The following CAMSAP3 variants were observed in gnomAD, a reference collection of about 807,000 sequenced individuals.
CAMSAP3 encodes calmodulin-regulated spectrin-associated protein 3.
A neutral mutation model predicts 112.5 loss-of-function variants in CAMSAP3; 34 were observed. That is an observed-to-expected ratio of 0.30 (90% CI 0.23 to 0.40). The LOEUF is 0.40. Ranked by LOEUF, CAMSAP3 falls within the 10% of genes least tolerant of loss-of-function variation. CAMSAP3 has a pLI of 1.00. For missense variants in CAMSAP3, 1,602 were observed against 1,770.3 expected, an observed-to-expected ratio of 0.90 and a Z score of 1.71; for synonymous variants, 868 against 799.8, an observed-to-expected ratio of 1.09 and a Z score of -1.44.
At chr19:7,597,231 G>A (rs911865096) in intron 1 of CAMSAP3, among the ~76,000 whole-genome samples, 8 of 151,924 alleles carry the variant, frequency 5.3e-5, no homozygotes, top group African/African-American at 1.9e-4. Flanking sequence ...TCCGTCTCCT[G>A]GTTCCGCCCC....
In CAMSAP3 at chr19:7,611,624, A is replaced by G. The variant is rs2030490426; in HGVS notation, c.1193+38A>G. 6.3e-7 allele frequency: 1 copy of G among 1,596,362 alleles called. No homozygotes were observed. The highest frequency in any genetic ancestry group is 1.1e-5 in the South Asian group (1 of 89,654). ...CACAGGCCAGGGTAGGGGGTGGAGC[A>G]GGCTAGGGCGGGTTGGGGCCGAGGC... On this transcript the variant is annotated intron_variant, in intron 10 of 16. Transcript: ENST00000160298. This position sits in a 1 kb window ranked among gnomAD's most constrained non-coding sequence, Gnocchi z 6.9.
At position 7,617,072 on chromosome 19, in the gene CAMSAP3, C is replaced by T. The variant is rs1051875176; in HGVS notation, c.3213-254C>T. ...CAAGTGATTCTCGTGCCTCAGCCTC[C>T]TGAGTAGCTGGGGTTACCCGTGCCT... On this transcript the variant is annotated intron_variant, in intron 14 of 16. Coordinates refer to ENST00000160298, the MANE Select transcript of CAMSAP3 (RefSeq NM_020902.2). The surrounding 1 kb of genome is among the most constrained non-coding windows in gnomAD (Gnocchi z 7.5). Among the ~76,000 whole-genome samples, 1 of 151,650 alleles carries T rather than the reference C, an allele frequency of 6.6e-6. No homozygotes were observed. The highest frequency in any genetic ancestry group is 6.6e-5 in the Admixed American group (1 of 15,196).
In CAMSAP3 at chr19:7,611,900, C is replaced by T. The variant is rs778897661; in HGVS notation, c.1407C>T (p.Ala469=). 1.4e-5 allele frequency: 22 copies of T among 1,577,486 alleles called. No homozygotes were observed. Among genetic ancestry groups the T allele is most frequent in the South Asian group, 2.3e-5 (2 of 86,818 alleles). Residue 469 remains alanine (A), a synonymous_variant, in exon 11 of 17, where the codon GCC becomes GCT. Coordinates refer to ENST00000160298, the MANE Select transcript of CAMSAP3 (RefSeq NM_020902.2). The surrounding 1 kb of genome is among the most constrained non-coding windows in gnomAD (Gnocchi z 6.9). ...IEEALQIIHS[A]EPRLLPDGAA... is the part of the protein sequence containing the mutation. ...AAGCTCTGCAGATCATCCACAGTGCCGAGCCCCGGCTCCTCCCAGATGGGG... is the reference window on the plus strand; with the variant it reads ...AAGCTCTGCAGATCATCCACAGTGCTGAGCCCCGGCTCCTCCCAGATGGGG...
Position 7,606,562 on chromosome 19 carries a change from G to T in CAMSAP3, c.612G>T (p.Ala204=), listed in dbSNP as rs202008890. ...PAAPADGAAP[A]QPSIRYRKDR... ...CCCCTGCAGACGGGGCGGCCCCGGCGCAGCCCTCGGTGAGGCCAGGGCATA... is the reference window on the plus strand; with the variant it reads ...CCCCTGCAGACGGGGCGGCCCCGGCTCAGCCCTCGGTGAGGCCAGGGCATA... The change falls in exon 4 of 17, where the codon GCG becomes GCT. Residue 204 remains alanine, a synonymous_variant. Transcript: ENST00000160298. 2.0e-6 allele frequency: 3 copies of T among 1,532,072 alleles called. No individual in the cohort carries two copies. The highest frequency in any genetic ancestry group is 4.8e-5 in the East Asian group (2 of 41,254). 94.9% of individuals were successfully genotyped at this position (1,532,072 alleles called of 1,614,324 possible).
chr19:7,596,160 C>T lies in CAMSAP3; in HGVS notation c.148+10C>T. 1 of 253,600 alleles carries T rather than the reference C, an allele frequency of 3.9e-6. No individual in the cohort carries two copies. Among genetic ancestry groups the T allele is most frequent in the Non-Finnish European group, 5.5e-6 (1 of 180,646 alleles). The allele number at this position is 253,600 out of a possible 1,614,324, so 15.7% of individuals were successfully genotyped here. A position where few individuals can be genotyped will look rare whatever the true frequency, so the allele number is the denominator to read the frequency against. On this transcript the variant is annotated intron_variant, in intron 1 of 16. Transcript: ENST00000160298. ...GCGTTCGGGGGCGCAGGTACCGGGG[C>T]TCGGGGGACCGGGGTCGGGGGCGGC...
chr19:7,597,515 G>A (rs905140840), intron 1 of CAMSAP3, among the ~76,000 whole-genome samples: 24 of 152,164 alleles, frequency 1.6e-4, no homozygotes, highest in African/African-American at 5.3e-4. Flanking sequence ...AAAAGAAGGC[G>A]TTCATTCACA....
At chr19:7,606,932 A>T (rs1485285025) in intron 4 of CAMSAP3, 13 of 1,060,642 alleles carry the variant, frequency 1.2e-5, no homozygotes, top group Non-Finnish European at 1.9e-5. Context: ...TGAGCAAAGG[A>T]GGTTGGACCC....
intron 1 of CAMSAP3, among the ~76,000 whole-genome samples, chr19:7,602,248 A>G (rs1307754459): frequency 6.6e-6 from 1 of 152,104 alleles, no homozygotes; most frequent in East Asian, 1.9e-4. Flanking sequence ...AACATCTCAC[A>G]GTGTACAGGA....
intron 11 of CAMSAP3, 38 bp downstream of exon 11, chr19:7,613,201 T>C: frequency 8.4e-6 from 1 of 119,756 alleles, no homozygotes; most frequent in Non-Finnish European, 1.0e-5. Flanking sequence ...GTCCTGGGCC[T>C]GGGGCGGGGG....
rs942737168 is a variant in CAMSAP3 at position 7,617,265 on chromosome 19, C to T, written c.3213-61C>T. The T allele has an allele frequency of 9.9e-6, 12 of 1,212,868 alleles. No homozygotes were observed. Among genetic ancestry groups the T allele is most frequent in the Non-Finnish European group, 1.2e-5 (10 of 816,178 alleles). The allele number at this position is 1,212,868 out of a possible 1,614,324, so 75.1% of individuals were successfully genotyped here. A position where few individuals can be genotyped will look rare whatever the true frequency, so the allele number is the denominator to read the frequency against. On this transcript the variant is annotated intron_variant, in intron 14 of 16. Transcript: ENST00000160298. This position sits in a 1 kb window ranked among gnomAD's most constrained non-coding sequence, Gnocchi z 7.5. ...CTCTGCACATAGGGAAGCTTCCCAT[C>T]TCTGACCCCACCTCCATCCCATCCT...
At position 7,615,013 on chromosome 19, in the gene CAMSAP3, C is replaced by A; in HGVS notation, c.2671-170C>A. ...CAGTGTATCCCATCCCTGTTGTGTCCCAGTACTTAGTGTGGGGCTGTGCAT... is the reference window on the plus strand; with the variant it reads ...CAGTGTATCCCATCCCTGTTGTGTCACAGTACTTAGTGTGGGGCTGTGCAT... On this transcript the variant is annotated intron_variant, in intron 11 of 16. Coordinates refer to ENST00000160298, the MANE Select transcript of CAMSAP3 (RefSeq NM_020902.2). This position sits in a 1 kb window ranked among gnomAD's most constrained non-coding sequence, Gnocchi z 6.5. 1 of 748,262 alleles carries A rather than the reference C, an allele frequency of 1.3e-6. No individual in the cohort carries two copies. The highest frequency in any genetic ancestry group is 1.7e-5 in the South Asian group (1 of 58,446). The allele number at this position is 748,262 out of a possible 1,614,324, so 46.4% of individuals were successfully genotyped here. A position where few individuals can be genotyped will look rare whatever the true frequency, so the allele number is the denominator to read the frequency against.
In CAMSAP3 at chr19:7,596,159, G is replaced by T; in HGVS notation, c.148+9G>T. 1 of 1,052,908 alleles carries T rather than the reference G, an allele frequency of 9.5e-7. No individual in the cohort carries two copies. 65.2% of individuals were successfully genotyped at this position (1,052,908 alleles called of 1,614,324 possible). ...CGCGTTCGGGGGCGCAGGTACCGGG[G>T]CTCGGGGGACCGGGGTCGGGGGCGG... On this transcript the variant is annotated intron_variant, in intron 1 of 16. Transcript: ENST00000160298.
At chr19:7,601,191 T>A (rs1486207875) in intron 1 of CAMSAP3, among the ~76,000 whole-genome samples, 1 of 152,234 alleles carries the variant, frequency 6.6e-6, no homozygotes, top group Non-Finnish European at 1.5e-5. Flanking sequence ...TGATTACATG[T>A]TAAAATAAGA....
chr19:7,614,259 C>CAAAA (rs1173068955), intron 11 of CAMSAP3, among the ~76,000 whole-genome samples: 26 of 18,762 alleles, frequency 1.4e-3, no homozygotes, highest in African/African-American at 1.6e-3. Context: ...GACTCCATCT[C>CAAAA]AAAAAAAAAA....
intron 5 of CAMSAP3, among the ~76,000 whole-genome samples, chr19:7,609,310 T>C (rs2030361463): frequency 7.7e-6 from 1 of 130,240 alleles, no homozygotes; most frequent in Non-Finnish European, 1.6e-5. Context: ...AGAGCGAGAC[T>C]CCATCTCAAA....
In CAMSAP3 at chr19:7,613,003, C is replaced by G; in HGVS notation, c.2510C>G (p.Pro837Arg). ...GCGGAGGAGACGCCCCCCGAGGAGC[C>G]AGCCGCCCGGCCGGGCCTCATCGAG... ...LLAEETPPEE[P>R]AARPGLIEIP... The change falls in exon 11 of 17, where the codon CCA (proline) becomes CGA (arginine). Residue 837 changes from proline (P) to arginine (R), a missense_variant. Coordinates refer to ENST00000160298, the MANE Select transcript of CAMSAP3 (RefSeq NM_020902.2). The G allele has an allele frequency of 6.4e-7, 1 of 1,570,712 alleles. No homozygotes were observed. The highest frequency in any genetic ancestry group is 8.6e-7 in the Non-Finnish European group (1 of 1,160,532).
In CAMSAP3 at chr19:7,616,387, C is replaced by CA. The variant is rs1321316960; in HGVS notation, c.3113-135dup. On this transcript the variant is annotated intron_variant, in intron 13 of 16. Coordinates refer to ENST00000160298, the MANE Select transcript of CAMSAP3 (RefSeq NM_020902.2). ...ATCCTCCCTCATAGAGGGGTCCCCC[C>CA]ATAGGGGTGCTGCAGAGGGCCGAGG... is the stretch of plus-strand genomic sequence containing the variant. 6.0e-6 allele frequency: 4 copies of CA among 664,086 alleles called. No individual in the cohort carries two copies. In the East Asian group the frequency reaches 8.3e-5, roughly 14 times the overall value. 41.1% of individuals were successfully genotyped at this position (664,086 alleles called of 1,614,324 possible). A position where few individuals can be genotyped will look rare whatever the true frequency, so the allele number is the denominator to read the frequency against.
In CAMSAP3 at chr19:7,610,317, CA is replaced by C. The variant is rs749017357; in HGVS notation, c.761-143del. On this transcript the variant is annotated intron_variant, in intron 5 of 16. Coordinates refer to ENST00000160298, the MANE Select transcript of CAMSAP3 (RefSeq NM_020902.2). This position sits in a 1 kb window ranked among gnomAD's most constrained non-coding sequence, Gnocchi z 4.9. ...TGGGTGACAGAGCGAGACTCCATCT[CA>C]AAAAAAAAAAAAAAAGAATTCACCT... 0.081 allele frequency among the ~76,000 whole-genome samples: 9,059 copies of C among 111,628 alleles called. 590 individuals carry two copies. The highest frequency in any genetic ancestry group is 0.18 in the African/African-American group (5,730 of 31,008). 73.2% of individuals were successfully genotyped at this position (111,628 alleles called of 152,430 possible).
chr19:7,615,965 G>A lies in CAMSAP3; in HGVS notation c.3112+246G>A, dbSNP rs1316945148. Among the ~76,000 whole-genome samples, 4 of 152,048 alleles carry A rather than the reference G, an allele frequency of 2.6e-5. No homozygotes were observed. The highest frequency in any genetic ancestry group is 1.9e-4 in the East Asian group (1 of 5,172). On this transcript the variant is annotated intron_variant, in intron 13 of 16. Transcript: ENST00000160298. This position sits in a 1 kb window ranked among gnomAD's most constrained non-coding sequence, Gnocchi z 6.5. The stretch of plus-strand genomic sequence containing the variant: ...AGCACTTTGGGAGGCTGAGGCGGGC[G>A]GATCACCTGAGGTCAGGAGTTTGAG...
Sources: gnomAD v4.1 joint callset for allele counts (sites outside exome capture counted in the v4.1 genomes callset) on GRCh38, gnomAD v4.1.1 for gene constraint, Gnocchi (gnomAD v3.1) non-coding constraint, MANE v1.5 for transcripts, NCBI Gene and HGNC (gene_info 2026-07-23, HGNC 2026-07-21) for gene names.